Variants in ZNF880 observed in about 807,000 individuals in gnomAD.
ZNF880 encodes zinc finger protein 880, also known as zinc finger protein LOC400713.
A neutral mutation model predicts 11.8 loss-of-function variants in ZNF880; 12 were observed. That is an observed-to-expected ratio of 1.02 (90% CI 0.65 to 1.65). ZNF880 has a LOEUF of 1.65. ZNF880 is among the 40% of genes most tolerant of loss of function. ZNF880 has a pLI of 0.00. For missense variants in ZNF880, 601 were observed against 673.9 expected (o/e 0.89, Z 1.20); for synonymous variants, 210 against 232.4 (o/e 0.90, Z 0.88).
chr19:52,375,652 C>T (rs1408540187), intron 3 of ZNF880, among the ~76,000 whole-genome samples: 1 of 152,062 alleles, frequency 6.6e-6, no homozygotes, highest in African/African-American at 2.4e-5. Flanking sequence ...CCTCACCCCC[C>T]TCCCACCTTT....
chr19:52,382,251 T>C (rs1986727342), intron 3 of ZNF880, among the ~76,000 whole-genome samples: 1 of 152,090 alleles, frequency 6.6e-6, no homozygotes, highest in South Asian at 2.1e-4. Flanking sequence ...CACTCTAGCC[T>C]GGGTGACAGA....
At chr19:52,388,643 TTGA>T (rs1986961167), downstream of ZNF880, among the ~76,000 whole-genome samples, 3 of 152,002 alleles carry the variant, frequency 2.0e-5, no homozygotes, top group African/African-American at 7.3e-5. Flanking sequence ...GTATTATATA[TTGA>T]GAATGATGAT....
At chr19:52,375,627 A>G (rs78313419) in intron 3 of ZNF880, among the ~76,000 whole-genome samples, 7,947 of 152,068 alleles carry the variant, frequency 0.052, 664 homozygotes, top group African/African-American at 0.18. Context: ...TACATTCAAT[A>G]TATAGTCTTT....
rs1986787205 is a variant in ZNF880 at position 52,384,193 on chromosome 19, A to T, written c.613A>T (p.Ile205Phe). 6.2e-7 allele frequency: 1 copy of T among 1,611,692 alleles called. No homozygotes were observed. Among genetic ancestry groups the T allele is most frequent in the Non-Finnish European group, 8.5e-7 (1 of 1,178,624 alleles). The change falls in exon 4 of 4, where the codon ATC becomes TTC. Residue 205 changes from isoleucine (I) to phenylalanine (F), a missense_variant. This residue lies in a region of ZNF880 where 420 missense variants were observed against 442.6 expected (regional missense o/e 0.95). Coordinates refer to ENST00000422689, the MANE Select transcript of ZNF880 (RefSeq NM_001145434.2). ...VSSRLANNQV[I>F]HTADNPYKCN... ...TTCAAGACTTGCTAACAATCAAGTA[A>T]TCCACACTGCAGATAACCCTTACAA...
chr19:52,387,452 C>CTTTT (rs10646059), downstream of ZNF880, among the ~76,000 whole-genome samples: 297 of 127,282 alleles, frequency 2.3e-3, 23 homozygotes, highest in African/African-American at 4.1e-3. Flanking sequence ...ATGACAAATA[C>CTTTT]TTTTTTTTTT....
intron 2 of ZNF880, among the ~76,000 whole-genome samples, chr19:52,373,669 ATTTTTTTTTTTT>A (rs35788651): frequency 9.7e-6 from 1 of 102,578 alleles, no homozygotes; most frequent in Non-Finnish European, 1.9e-5. Context: ...AAATACTGTA[ATTTTTTTTTTTT>A]TTTTTTTTTT....
In ZNF880 at chr19:52,385,320, G is replaced by A. The variant is rs1242480802; in HGVS notation, c.*6G>A. On this transcript the variant is annotated 3_prime_UTR_variant, in exon 4 of 4. Coordinates refer to ENST00000422689, the MANE Select transcript of ZNF880 (RefSeq NM_001145434.2). ...GAGAGAAACCGTACAGATGAAATGT[G>A]TGTGGTAAGATCTTTAGTAATAATT... The A allele has an allele frequency of 1.3e-6, 2 of 1,550,074 alleles. No homozygotes were observed. The highest frequency in any genetic ancestry group is 2.4e-5 in the South Asian group (2 of 83,956).
chr19:52,397,392 A>G, the ZNF880 span: 12 of 152,204 alleles, frequency 7.9e-5, no homozygotes, highest in Non-Finnish European at 1.8e-4. Context: ...CCCTTCACAG[A>G]CAATTCCAAA....
the ZNF880 span, among the ~76,000 whole-genome samples, chr19:52,395,317 G>A: frequency 0.07 from 10,622 of 152,116 alleles, 1,152 homozygotes; most frequent in African/African-American, 0.23. Context: ...CCAACCTCTA[G>A]GGGAAACTAT....
rs578203972 is a variant in ZNF880 at position 52,385,530 on chromosome 19, C to T, written c.*216C>T. 2.6e-5 allele frequency: 15 copies of T among 573,192 alleles called. No homozygotes were observed. The highest frequency in any genetic ancestry group is 1.9e-4 in the African/African-American group (10 of 53,596). The allele number at this position is 573,192 out of a possible 1,614,324, so 35.5% of individuals were successfully genotyped here. A position where few individuals can be genotyped will look rare whatever the true frequency, so the allele number is the denominator to read the frequency against. On this transcript the variant is annotated 3_prime_UTR_variant, in exon 4 of 4. Transcript: ENST00000422689. ...CCAAATGACTAGATATCAAAACATA[C>T]ATCTTGGATGAAACCATACAGATGG...
At chr19:52,393,864 T>A in the ZNF880 span, among the ~76,000 whole-genome samples, 4 of 121,826 alleles carry the variant, frequency 3.3e-5, no homozygotes, top group Non-Finnish European at 4.9e-5. Context: ...TGAGACGGAG[T>A]CTTGCTCTGT....
At position 52,384,346 on chromosome 19, in the gene ZNF880, G is replaced by GCA. The variant is rs1568664910; in HGVS notation, c.768_769dup (p.Arg257HisfsTer89). On this transcript the variant is annotated frameshift_variant, in exon 4 of 4. Coordinates refer to ENST00000422689, the MANE Select transcript of ZNF880 (RefSeq NM_001145434.2). LOFTEE classifies it low-confidence loss of function (END_TRUNC). ...GCTCTTCAATCGAATTTCACTCCTT[G>GCA]CACGACATCAGAGAATACATACTGG... The GCA allele has an allele frequency of 6.2e-7, 1 of 1,613,530 alleles. No individual in the cohort carries two copies.
chr19:52,368,010 T>C (rs1229665209), upstream of ZNF880, among the ~76,000 whole-genome samples: 1 of 151,016 alleles, frequency 6.6e-6, no homozygotes, highest in African/African-American at 2.4e-5. Flanking sequence ...GCCATCCTGG[T>C]CAACATGGTG....
intron 1 of ZNF880, among the ~76,000 whole-genome samples, chr19:52,371,593 C>T (rs903304038): frequency 2.0e-5 from 3 of 152,070 alleles, no homozygotes; most frequent in Admixed American, 6.5e-5. Context: ...CTAGGCTGGT[C>T]TTCAACTCCT....
At chr19:52,393,315 TGCCC>T in the ZNF880 span, among the ~76,000 whole-genome samples, 1 of 151,086 alleles carries the variant, frequency 6.6e-6, no homozygotes, top group African/African-American at 2.4e-5. Context: ...TCATTTGATC[TGCCC>T]GCCTCAGCCT....
intron 1 of ZNF880, among the ~76,000 whole-genome samples, chr19:52,372,668 G>A (rs1171885002): frequency 4.7e-5 from 7 of 150,536 alleles, no homozygotes; most frequent in South Asian, 2.1e-4. Flanking sequence ...TTGGGAGGCC[G>A]AGGTGGGCGG....
upstream of ZNF880, among the ~76,000 whole-genome samples, chr19:52,369,146 A>T (rs556434607): frequency 1.6e-4 from 24 of 151,760 alleles, no homozygotes; most frequent in South Asian, 4.6e-3. Context: ...GCGGATCACG[A>T]GGTCAGGAGT....
intron 3 of ZNF880, among the ~76,000 whole-genome samples, chr19:52,380,592 C>A (rs898114319): frequency 1.3e-5 from 2 of 152,044 alleles, no homozygotes; most frequent in Non-Finnish European, 2.9e-5. Context: ...TATTTTGTTA[C>A]ATTAAGTTTC....
intron 3 of ZNF880, chr19:52,379,316 T>C: frequency 5.4e-6 from 2 of 368,528 alleles, no homozygotes; most frequent in Non-Finnish European, 1.1e-5. Flanking sequence ...TTCTTTTCCT[T>C]TCCTTTACCT....
Sources: allele counts gnomAD v4.1 joint callset (sites outside exome capture counted in the v4.1 genomes callset), GRCh38; gene constraint gnomAD v4.1.1; regional missense constraint gnomAD v4.1.1; transcripts MANE v1.5; gene names NCBI Gene and HGNC (gene_info 2026-07-23, HGNC 2026-07-21).